Variants in ATXN7 observed in about 807,000 individuals in gnomAD.
ATXN7 encodes ataxin 7.
A neutral mutation model predicts 70.5 loss-of-function variants in ATXN7; 12 were observed. That is an observed-to-expected ratio of 0.17 (90% confidence interval 0.11 to 0.28). The LOEUF (loss-of-function observed/expected upper bound fraction) is 0.28, where lower values mean the gene tolerates loss of function less well. Ranked by LOEUF, ATXN7 falls within the 10% of genes least tolerant of loss-of-function variation. The pLI, the probability that ATXN7 is intolerant of heterozygous loss-of-function variation, is 1.00. For synonymous variants in ATXN7, 498 were observed against 448.7 expected (o/e 1.11, Z -1.39); for missense variants, 1,256 against 1,131.7 (o/e 1.11, Z -1.58).
At chr3:63,974,729 G>T (rs530904760) in intron 5 of ATXN7, among the ~76,000 whole-genome samples, 28 of 152,340 alleles carry the variant, frequency 1.8e-4, no homozygotes, top group Admixed American at 2.6e-4. Context: ...AGCAGCTGTT[G>T]TTGATGTTGT....
At chr3:63,884,551 G>T (rs1172875439) in intron 1 of ATXN7, among the ~76,000 whole-genome samples, 3 of 151,998 alleles carry the variant, frequency 2.0e-5, no homozygotes, top group Non-Finnish European at 4.4e-5. Flanking sequence ...AAATGGGAGA[G>T]AATAGATAAA....
intron 5 of ATXN7, among the ~76,000 whole-genome samples, chr3:63,964,588 C>T (rs140797390): frequency 1.8e-3 from 280 of 152,258 alleles, no homozygotes; most frequent in Middle Eastern, 6.8e-3. Flanking sequence ...TGTGGCTGAG[C>T]CCTGGAGAGC....
At chr3:63,895,910 GCTGA>G (rs2107257511) in intron 1 of ATXN7, among the ~76,000 whole-genome samples, 1 of 151,788 alleles carries the variant, frequency 6.6e-6, no homozygotes, top group African/African-American at 2.4e-5. Flanking sequence ...TTCTCTCTTT[GCTGA>G]CTGTCTTTTT....
At chr3:63,947,971 A>G (rs1174833387) in intron 4 of ATXN7, among the ~76,000 whole-genome samples, 10 of 152,176 alleles carry the variant, frequency 6.6e-5, no homozygotes, top group Non-Finnish European at 1.5e-4. Flanking sequence ...GGACCTTGGG[A>G]GCCAGGGTAA....
At chr3:63,983,922 G>A (rs1402070358) in intron 8 of ATXN7, among the ~76,000 whole-genome samples, 1 of 152,066 alleles carries the variant, frequency 6.6e-6, no homozygotes, top group Non-Finnish European at 1.5e-5. Flanking sequence ...ACCTTAGAGG[G>A]AGGAAGTAAA....
At chr3:63,982,623 A>AGAGTGT (rs147414924) in intron 7 of ATXN7, among the ~76,000 whole-genome samples, 178 bp downstream of exon 7, 1 of 143,576 alleles carries the variant, frequency 7.0e-6, no homozygotes, top group South Asian at 2.4e-4. Context: ...AAAGAGCATG[A>AGAGTGT]GTGTGTGTGT....
intron 1 of ATXN7, among the ~76,000 whole-genome samples, chr3:63,868,411 G>C (rs1032817440): frequency 6.6e-6 from 1 of 152,120 alleles, no homozygotes; most frequent in Non-Finnish European, 1.5e-5. Flanking sequence ...GCTCCTCTTT[G>C]GCCCGCAAGA....
intron 12 of ATXN7, chr3:63,998,098 A>G (rs2075788821): frequency 2.0e-6 from 2 of 983,880 alleles, no homozygotes; most frequent in South Asian, 4.7e-5. Context: ...GGGGCATTCC[A>G]TTGTGCTGTA....
rs2075753927 is a variant in ATXN7, at chr3:63,996,053, C to T, written c.2231C>T (p.Pro744Leu). ...FRKNCVAHSGPPYPSTVTSSH... is the reference protein window; with the variant it reads ...FRKNCVAHSGLPYPSTVTSSH... The stretch of plus-strand genomic sequence containing the variant: ...AAAAACTGTGTGGCTCACTCTGGGC[C>T]TCCCTACCCCTCAACGGTAACATCT... Residue 744 changes from proline to leucine, a missense_variant, in exon 12 of 13, where the codon CCT (proline) becomes CTT (leucine). By Grantham distance (98) the Pro-to-Leu change is moderately conservative. Transcript: ENST00000674280. The T allele has an allele frequency of 6.2e-7, 1 of 1,614,192 alleles. No individual in the cohort carries two copies.
At chr3:63,911,945 C>G (rs1406992715) in intron 2 of ATXN7, 1 of 152,456 alleles carries the variant, frequency 6.6e-6, no homozygotes, top group Non-Finnish European at 1.5e-5. Flanking sequence ...TGGGGCCGGC[C>G]GGCCGGCTCC....
In ATXN7 at chr3:63,990,820, A is replaced by C; in HGVS notation, c.1643A>C (p.Asn548Thr). 12 of 1,614,166 alleles carry C rather than the reference A, an allele frequency of 7.4e-6. No homozygotes were observed. The highest frequency in any genetic ancestry group is 1.0e-5 in the Non-Finnish European group (12 of 1,180,036). Residue 548 changes from asparagine (N) to threonine (T), a missense_variant, in exon 11 of 13, where the codon AAC becomes ACC. Asn to Thr is a moderately conservative substitution (Grantham distance 65). Transcript: ENST00000674280. ...TGGAATCGACTTCGCTGCGCCCTCA[A>C]CCTCATGGTGGAGAAGCATCTGAAT... ...SRWNRLRCAL[N>T]LMVEKHLNAQ...
chr3:63,915,421 G>A (rs1201188099), intron 4 of ATXN7, among the ~76,000 whole-genome samples: 2 of 152,196 alleles, frequency 1.3e-5, no homozygotes, highest in Non-Finnish European at 2.9e-5. Context: ...TAAAATCCAA[G>A]TTTGAGGATG....
intron 4 of ATXN7, among the ~76,000 whole-genome samples, chr3:63,924,235 G>A (rs188086746): frequency 3.0e-4 from 45 of 152,262 alleles, no homozygotes; most frequent in Non-Finnish European, 4.7e-4. Context: ...GAATGCTGGC[G>A]AATGTGGGAG....
intron 2 of ATXN7, chr3:63,904,550 C>A: frequency 6.6e-6 from 1 of 152,322 alleles, no homozygotes. Context: ...GCTTGGCCTC[C>A]CAAAGTGCTG....
intron 5 of ATXN7, among the ~76,000 whole-genome samples, chr3:63,959,950 G>C (rs1032706353): frequency 6.6e-6 from 1 of 152,156 alleles, no homozygotes; most frequent in African/African-American, 2.4e-5. Context: ...ATGATTTCAT[G>C]CACCTTATAT....
intron 4 of ATXN7, among the ~76,000 whole-genome samples, chr3:63,941,548 A>G (rs1000839467): frequency 6.6e-6 from 1 of 152,222 alleles, no homozygotes; most frequent in African/African-American, 2.4e-5. Flanking sequence ...GTCTTCCACG[A>G]AACTGTTCCC....
intron 4 of ATXN7, among the ~76,000 whole-genome samples, chr3:63,919,377 A>T (rs1009302960): frequency 6.6e-6 from 1 of 152,180 alleles, no homozygotes; most frequent in Admixed American, 6.5e-5. Flanking sequence ...TCCTTGGTTG[A>T]TAAAAGGAAA....
At chr3:63,910,396 G>T (rs1015860338) in intron 2 of ATXN7, among the ~76,000 whole-genome samples, 3 of 152,146 alleles carry the variant, frequency 2.0e-5, no homozygotes, top group Non-Finnish European at 4.4e-5. Flanking sequence ...TTCAAATGCC[G>T]TTAAAATCCA....
Position 63,995,685 on chromosome 3 carries a change from T to C in ATXN7, c.1863T>C (p.His621=), listed in dbSNP as rs1192458804. The C allele has an allele frequency of 6.2e-7, 1 of 1,614,192 alleles. No individual in the cohort carries two copies. ...CAAATAGCAAATCGGTACCAGCTCA[T>C]GGAACCACACTAAATGCACAGCCTG... ...ISPNSKSVPA[H]GTTLNAQPAA... Residue 621 remains histidine, a synonymous_variant, in exon 12 of 13, where the codon CAT becomes CAC. Coordinates refer to ENST00000674280, the MANE Select transcript of ATXN7 (RefSeq NM_001377405.1).
Sources: allele counts gnomAD v4.1 joint callset (sites outside exome capture counted in the v4.1 genomes callset), GRCh38; gene constraint gnomAD v4.1.1; transcripts MANE v1.5; gene names NCBI Gene and HGNC (gene_info 2026-07-23, HGNC 2026-07-21).